Variants in IRGM observed in about 807,000 individuals in gnomAD.
IRGM encodes the protein immunity-related GTPase family M protein.
For missense variants in IRGM, 288 were observed against 219.9 expected (o/e 1.31, Z -1.96); for synonymous variants, 98 against 80.6 (o/e 1.22, Z -1.16).
At chr5:150,898,915 A>C (rs1052989228) in intron 3 of IRGM, among the ~76,000 whole-genome samples, 1 of 152,046 alleles carries the variant, frequency 6.6e-6, no homozygotes. Flanking sequence ...TTGAAGTCCT[A>C]ACCCCCAGTA....
chr5:150,853,611 A>T (rs968657616), downstream of IRGM, among the ~76,000 whole-genome samples: 1 of 152,044 alleles, frequency 6.6e-6, no homozygotes, highest in African/African-American at 2.4e-5. Flanking sequence ...TATAATTATT[A>T]TATCTTAGAA....
intron 3 of IRGM, chr5:150,898,621 A>G (rs1754885137): frequency 6.8e-7 from 1 of 1,468,118 alleles, no homozygotes; most frequent in African/African-American, 1.4e-5. Flanking sequence ...AATGTGCACA[A>G]CTACATCCAC....
intron 3 of IRGM, chr5:150,898,002 T>C (rs1373065852): frequency 6.4e-7 from 1 of 1,566,596 alleles, no homozygotes; most frequent in Non-Finnish European, 8.6e-7. Context: ...TTGATAAGGA[T>C]AGAAACATAA....
At chr5:150,863,035 A>G (rs1037685203) in intron 1 of IRGM, among the ~76,000 whole-genome samples, 1 of 152,256 alleles carries the variant, frequency 6.6e-6, no homozygotes. Flanking sequence ...ACAGGAAAAG[A>G]AAAACAAAAC....
intron 3 of IRGM, chr5:150,897,671 GA>G: frequency 5.2e-6 from 1 of 190,852 alleles, no homozygotes; most frequent in Non-Finnish European, 1.1e-5. Context: ...TGCATGCTCT[GA>G]AAAATGTTTC....
At chr5:150,897,788 C>T (rs1439730761) in intron 3 of IRGM, 5 of 398,310 alleles carry the variant, frequency 1.3e-5, no homozygotes, top group African/African-American at 8.3e-5. Context: ...GGGAATATTG[C>T]CTTTTAAAGC....
At chr5:150,894,788 G>GT (rs1754695367) in intron 3 of IRGM, 3 of 152,342 alleles carry the variant, frequency 2.0e-5, no homozygotes, top group Non-Finnish European at 4.4e-5. Flanking sequence ...CAGTGCCAAT[G>GT]TTTTTCAGCT....
intron 3 of IRGM, among the ~76,000 whole-genome samples, chr5:150,899,375 T>C (rs1754913800): frequency 6.6e-6 from 1 of 152,036 alleles, no homozygotes; most frequent in Non-Finnish European, 1.5e-5. Context: ...GAATTTTAAT[T>C]AATGATTATA....
rs191742304 is a variant in IRGM, at chr5:150,846,699, A to G, written c.-937A>G. On this transcript the variant is annotated 5_prime_UTR_variant, in exon 1 of 2. Transcript: ENST00000522154. ...GAAACAACGAACCCCCCGGGGAGAA[A>G]CGAACAACTCCAGACTCGCCGCCTG... 4,323 of 151,532 alleles carry G rather than the reference A, an allele frequency of 0.029. 148 individuals carry two copies. The highest frequency in any genetic ancestry group is 0.075 in the African/African-American group (3,066 of 40,778). 9.4% of individuals were successfully genotyped at this position (151,532 alleles called of 1,614,324 possible). A position where few individuals can be genotyped will look rare whatever the true frequency, so the allele number is the denominator to read the frequency against.
intron 3 of IRGM, chr5:150,897,649 A>C (rs1754841885): frequency 5.7e-6 from 1 of 175,636 alleles, no homozygotes; most frequent in Non-Finnish European, 1.2e-5. Context: ...TGTCATTCAG[A>C]GCAGTTACAG....
intron 1 of IRGM, among the ~76,000 whole-genome samples, chr5:150,856,561 A>T (rs984553169): frequency 1.3e-5 from 2 of 151,970 alleles, no homozygotes; most frequent in Non-Finnish European, 2.9e-5. Flanking sequence ...TGTTGGTAAT[A>T]TTTTTTTCAA....
Position 150,848,186 on chromosome 5 carries a change from C to T in IRGM, c.63C>T (p.Asn21=). 4 of 1,551,666 alleles carry T rather than the reference C, an allele frequency of 2.6e-6. No homozygotes were observed. The highest frequency in any genetic ancestry group is 3.5e-6 in the Non-Finnish European group (4 of 1,146,874). Residue 21 remains asparagine, a synonymous_variant, in exon 2 of 2, where the codon AAC becomes AAT. Coordinates refer to ENST00000522154, the MANE Select transcript of IRGM (RefSeq NM_001145805.2). ...ADGNLPEVIS[N]IKETLKIVSR... is the part of the protein sequence containing the mutation. ...GGAACTTGCCAGAGGTGATCTCTAA[C>T]ATCAAGGAGACTCTGAAGATAGTGT...
chr5:150,895,959 T>G, intron 3 of IRGM: 1 of 1,613,622 alleles, frequency 6.2e-7, no homozygotes, highest in Non-Finnish European at 8.5e-7. Context: ...AATTCTTTTA[T>G]GTATAATGAG....
At chr5:150,872,275 C>T (rs1369186384) in intron 1 of IRGM, among the ~76,000 whole-genome samples, 1 of 152,202 alleles carries the variant, frequency 6.6e-6, no homozygotes, top group East Asian at 1.9e-4. Flanking sequence ...GAAGAAACAA[C>T]TTCCCCATCC....
At chr5:150,886,656 A>G (rs762470818) in intron 3 of IRGM, among the ~76,000 whole-genome samples, 1 of 152,036 alleles carries the variant, frequency 6.6e-6, no homozygotes, top group Non-Finnish European at 1.5e-5. Flanking sequence ...GAATTTACCC[A>G]TCTCTTCTAG....
chr5:150,864,486 G>A (rs917160955), intron 1 of IRGM, among the ~76,000 whole-genome samples: 4 of 152,060 alleles, frequency 2.6e-5, no homozygotes, highest in African/African-American at 7.2e-5. Context: ...ACAGCTGTAT[G>A]TCTTCGTCAT....
At chr5:150,859,508 G>A (rs964965140) in intron 1 of IRGM, among the ~76,000 whole-genome samples, 1 of 152,168 alleles carries the variant, frequency 6.6e-6, no homozygotes, top group South Asian at 2.1e-4. Context: ...AATGGTACCA[G>A]CTCCTCTTTG....
At chr5:150,898,670 A>C in intron 3 of IRGM, 6 of 1,260,552 alleles carry the variant, frequency 4.8e-6, no homozygotes, top group Non-Finnish European at 6.4e-6. Context: ...AAAACAAAAT[A>C]AAATCCTGTT....
At chr5:150,896,636 C>T (rs574686104) in intron 3 of IRGM, 70 of 1,613,504 alleles carry the variant, frequency 4.3e-5, no homozygotes, top group Middle Eastern at 3.3e-4. Flanking sequence ...TATAACAACT[C>T]GGTAGGTCAA....
Sources: gnomAD v4.1 joint callset for allele counts (sites outside exome capture counted in the v4.1 genomes callset) on GRCh38, gnomAD v4.1.1 for gene constraint, MANE v1.5 for transcripts, NCBI Gene and HGNC (gene_info 2026-07-23, HGNC 2026-07-21) for gene names.